The following P2RX5 variants were observed in gnomAD, a reference collection of about 807,000 sequenced individuals.
P2RX5 encodes purinergic receptor P2X 5.
In P2RX5, 46 loss-of-function variants were observed where a neutral mutation model predicts 54.1. That is an observed-to-expected ratio of 0.85 (90% CI 0.67 to 1.09). The LOEUF (loss-of-function observed/expected upper bound fraction) is 1.09. Ranked by LOEUF, P2RX5 falls within the 50% of genes least tolerant of loss-of-function variation. The probability of loss-of-function intolerance (pLI) is 0.00; values close to 1 mark genes in which losing one functional copy is unlikely to be tolerated. For synonymous variants in P2RX5, 226 were observed against 226.4 expected, an observed-to-expected ratio of 1.00 and a Z score of 0.02; for missense variants, 566 against 549.8, an observed-to-expected ratio of 1.03 and a Z score of -0.29.
At chr17:3,711,370 C>CTTTTTTTTTTTTTTTTTTTTTTTTTTT in the P2RX5 span, among the ~76,000 whole-genome samples, 21 of 63,090 alleles carry the variant, frequency 3.3e-4, 1 homozygote, top group Middle Eastern at 0.013. Flanking sequence ...AGCACTCATT[C>CTTTTTTTTTTTTTTTTTTTTTTTTTTT]TTTTTTTTTT....
chr17:3,692,591 TAGCACTTTGGGAGAC>T (rs1400542241), intron 1 of P2RX5, among the ~76,000 whole-genome samples: 1 of 152,056 alleles, frequency 6.6e-6, no homozygotes, highest in Non-Finnish European at 1.5e-5. Flanking sequence ...CCTGTACTCC[TAGCACTTTGGGAGAC>T]CAAGGCAGGA....
chr17:3,699,343 C>T (rs1473378508), upstream of P2RX5, among the ~76,000 whole-genome samples: 1 of 151,910 alleles, frequency 6.6e-6, no homozygotes, highest in Non-Finnish European at 1.5e-5. Flanking sequence ...CTGCAGTGAG[C>T]CATTATTGCA....
At position 3,689,547 on chromosome 17, in the gene P2RX5, C is replaced by A. The variant is rs780739223; in HGVS notation, c.698G>T (p.Arg233Leu). ...GGCCCAGCGGATCACGGAGCCCAGT[C>A]GGAAGATGGGGCAGTAGTGGTTCTT... The part of the protein sequence containing the change: ...GPKNHYCPIF[R>L]LGSVIRWAGS... Residue 233 changes from arginine to leucine, a missense_variant, in exon 7 of 12, where the codon CGA becomes CTA. Transcript: ENST00000225328. 6 of 1,614,188 alleles carry A rather than the reference C, an allele frequency of 3.7e-6. No homozygotes were observed. The highest frequency in any genetic ancestry group is 1.6e-4 in the Middle Eastern group (1 of 6,062).
At chr17:3,716,969 T>C in the P2RX5 span, 6 of 567,612 alleles carry the variant, frequency 1.1e-5, no homozygotes, top group South Asian at 1.3e-4. Context: ...GCATTTTAGA[T>C]CATCTAAAAC....
At position 3,690,472 on chromosome 17, in the gene P2RX5, C is replaced by G. The variant is rs758716754; in HGVS notation, c.488G>C (p.Cys163Ser). The change falls in exon 5 of 12, where the codon TGT (cysteine) becomes TCT (serine). Residue 163 changes from cysteine to serine, a missense_variant. Coordinates refer to ENST00000225328, the MANE Select transcript of P2RX5 (RefSeq NM_002561.4). ...CAACGGGCACCAGGCAAAGATCTCA[C>G]AGGTGCCCCTGGCCAAGTTCTCTCT... ...LRRENLARGT[C>S]EIFAWCPLET... is the part of the protein sequence containing the mutation. 6.2e-7 allele frequency: 1 copy of G among 1,613,336 alleles called. No homozygotes were observed. The highest frequency in any genetic ancestry group is 8.5e-7 in the Non-Finnish European group (1 of 1,179,872).
chr17:3,696,558 G>T (rs1597278891), upstream of P2RX5, among the ~76,000 whole-genome samples: 1 of 152,152 alleles, frequency 6.6e-6, no homozygotes, highest in African/African-American at 2.4e-5. Flanking sequence ...GGGTTCAAGC[G>T]ATTCTCCTGC....
At chr17:3,688,940 C>T (rs1037412526) in intron 7 of P2RX5, among the ~76,000 whole-genome samples, 181 bp from the exon 8 acceptor site, 3 of 152,238 alleles carry the variant, frequency 2.0e-5, no homozygotes, top group Non-Finnish European at 4.4e-5. Flanking sequence ...ACTGCGTCGT[C>T]CCTGCCTCAG....
the P2RX5 span, among the ~76,000 whole-genome samples, chr17:3,703,367 A>C: frequency 6.6e-6 from 1 of 151,984 alleles, no homozygotes; most frequent in Non-Finnish European, 1.5e-5. Flanking sequence ...CAAAACAAAA[A>C]ACATTAAAAA....
chr17:3,719,071 A>T, the P2RX5 span, among the ~76,000 whole-genome samples: 6 of 119,628 alleles, frequency 5.0e-5, no homozygotes, highest in Non-Finnish European at 8.9e-5. Flanking sequence ...GTCTCTATTT[A>T]AAAAAAATAA....
Position 3,690,995 on chromosome 17 carries a change from C to T in P2RX5, c.321G>A (p.Leu107=). 6.2e-7 allele frequency: 1 copy of T among 1,613,128 alleles called. No homozygotes were observed. The highest frequency in any genetic ancestry group is 2.2e-5 in the East Asian group (1 of 44,866). ...GENVFFVVTN[L]IVTPNQRQNV... ...TCTGCCGCTGGTTGGGGGTCACAAT[C>T]AGGTTGGTGACCACAAAAAAGACGT... The change falls in exon 3 of 12, where the codon CTG becomes CTA. Residue 107 remains leucine (L), a synonymous_variant. Transcript: ENST00000225328.
At chr17:3,680,091 GTCCTCCACCCAGCGTCCTCCACCCTGCA>G (rs1567730062) in intron 10 of P2RX5, among the ~76,000 whole-genome samples, 1 of 132,436 alleles carries the variant, frequency 7.6e-6, no homozygotes, top group African/African-American at 2.9e-5. Flanking sequence ...TCCATCCTAC[GTCCTCCACCCAGCGTCCTCCACCCTGCA>G]TCCTCCACCC....
chr17:3,716,648 C>G, the P2RX5 span: 2 of 1,213,930 alleles, frequency 1.6e-6, no homozygotes, highest in South Asian at 2.4e-5. Flanking sequence ...AAAACTAGAG[C>G]CCAGTCTTCC....
In P2RX5 at chr17:3,690,487, A is replaced by G. The variant is rs374264608; in HGVS notation, c.473T>C (p.Leu158Ser). 23 of 1,613,544 alleles carry G rather than the reference A, an allele frequency of 1.4e-5. No individual in the cohort carries two copies. The East Asian group carries it at 2.9e-4, about 20-fold the overall frequency. The change falls in exon 5 of 12, where the codon TTG (leucine) becomes TCG (serine). Residue 158 changes from leucine (L) to serine (S), a missense_variant. Physicochemically the swap from Leu to Ser is moderately radical, Grantham distance 145. Coordinates refer to ENST00000225328, the MANE Select transcript of P2RX5 (RefSeq NM_002561.4). The part of the protein sequence containing the change: ...KTGRCLRREN[L>S]ARGTCEIFAW... The stretch of plus-strand genomic sequence containing the variant: ...AAAGATCTCACAGGTGCCCCTGGCC[A>G]AGTTCTCTCTCCGCAGGCAGCGGCC...
intron 9 of P2RX5, among the ~76,000 whole-genome samples, chr17:3,684,971 G>A (rs2050398309): frequency 6.6e-6 from 1 of 150,806 alleles, no homozygotes; most frequent in South Asian, 2.1e-4. Context: ...TCAGCCTCCT[G>A]AGCAGCTGGG....
chr17:3,713,648 G>T, the P2RX5 span, among the ~76,000 whole-genome samples: 1 of 151,842 alleles, frequency 6.6e-6, no homozygotes, highest in African/African-American at 2.4e-5. Flanking sequence ...TACTCAGGAG[G>T]CTGAGGCAGG....
Position 3,691,030 on chromosome 17 carries a change from A to G in P2RX5, c.289-3T>C, listed in dbSNP as rs1042993848. 3 of 1,610,104 alleles carry G rather than the reference A, an allele frequency of 1.9e-6. No homozygotes were observed. Among genetic ancestry groups the G allele is most frequent in the Non-Finnish European group, 1.7e-6 (2 of 1,177,728 alleles). On this transcript the variant is annotated splice_region_variant and splice_polypyrimidine_tract_variant and intron_variant, in intron 2 of 11. Transcript: ENST00000225328. Reference sequence around the variant, plus strand: ...ACCACAAAAAAGACGTTCTCTCCCTAAGGAACCAGAGAGGCACTGAGGAAC... The same window carrying G: ...ACCACAAAAAAGACGTTCTCTCCCTGAGGAACCAGAGAGGCACTGAGGAAC...
chr17:3,698,351 GACA>G (rs2050794699), upstream of P2RX5, among the ~76,000 whole-genome samples: 1 of 152,146 alleles, frequency 6.6e-6, no homozygotes, highest in Non-Finnish European at 1.5e-5. Flanking sequence ...CCCAGCACAG[GACA>G]ACATGAGTGT....
At chr17:3,685,657 T>TCCCCCCCTCCCG (rs543421315) in intron 9 of P2RX5, 2 of 75,900 alleles carry the variant, frequency 2.6e-5, no homozygotes, top group Non-Finnish European at 5.7e-5. Context: ...AGCGTCCCCC[T>TCCCCCCCTCCCG]CCCAGCCTGA....
intron 11 of P2RX5, chr17:3,677,206 C>T (rs545039531): frequency 7.1e-6 from 7 of 985,394 alleles, no homozygotes; most frequent in East Asian, 1.1e-4. Flanking sequence ...AGCCCGTTTA[C>T]ACCTGCTGAG....
Sources: gnomAD v4.1 joint callset for allele counts (sites outside exome capture counted in the v4.1 genomes callset) on GRCh38, gnomAD v4.1.1 for gene constraint, MANE v1.5 for transcripts, NCBI Gene and HGNC (gene_info 2026-07-23, HGNC 2026-07-21) for gene names.